B3GALT1: variants seen among roughly 807,000 people sequenced by gnomAD.
B3GALT1 encodes beta-1,3-galactosyltransferase 1, also known as UDP-Gal:betaGlcNAc beta 1,3-galactosyltransferase, polypeptide 1.
Under a neutral mutation model 23.2 loss-of-function variants are expected in B3GALT1, and 10 were observed. The observed-to-expected ratio is 0.43, with a 90% CI of 0.27 to 0.73. B3GALT1 has a LOEUF of 0.73. B3GALT1 is among the 30% of genes least tolerant of loss of function. The pLI, the probability that B3GALT1 is intolerant of heterozygous loss-of-function variation, is 0.21. For missense variants in B3GALT1, 299 were observed against 405.4 expected (o/e 0.74, Z 2.25); for synonymous variants, 156 against 141.5 (o/e 1.10, Z -0.73).
intron 1 of B3GALT1, among the ~76,000 whole-genome samples, chr2:167,438,010 G>C (rs951083638): frequency 6.6e-6 from 1 of 152,166 alleles, no homozygotes; most frequent in Non-Finnish European, 1.5e-5. Flanking sequence ...AGGCTAAAAA[G>C]AGTAGAAAGC....
chr2:167,328,149 T>G (rs1574034726), intron 1 of B3GALT1, among the ~76,000 whole-genome samples: 2 of 152,320 alleles, frequency 1.3e-5, no homozygotes, highest in East Asian at 3.9e-4. Context: ...TTTTTGTGCC[T>G]GTGTTCATCA....
In B3GALT1 at chr2:167,767,200, G is replaced by T. The variant is rs527621708; in HGVS notation, c.-351-51472G>T. Among the ~76,000 whole-genome samples, 3 of 152,274 alleles carry T rather than the reference G, an allele frequency of 2.0e-5. No individual in the cohort carries two copies. The South Asian group carries it at 6.2e-4, about 32-fold the overall frequency. On this transcript the variant is annotated intron_variant, in intron 3 of 4. Transcript: ENST00000392690. Reference sequence around the variant, plus strand: ...AATTATGTAAGCTGAACCAATTGAGGTGTTGGCTATTGTTTCTGCTGTTCT... The same window carrying T: ...AATTATGTAAGCTGAACCAATTGAGTTGTTGGCTATTGTTTCTGCTGTTCT...
chr2:167,547,396 T>C (rs1236914387), intron 2 of B3GALT1, among the ~76,000 whole-genome samples: 1 of 152,038 alleles, frequency 6.6e-6, no homozygotes. Flanking sequence ...AGTTAAATGA[T>C]TTGTTAAAAG....
chr2:167,840,943 C>T (rs1384739911), intron 4 of B3GALT1, among the ~76,000 whole-genome samples: 1 of 147,548 alleles, frequency 6.8e-6, no homozygotes, highest in African/African-American at 2.6e-5. Context: ...CCAAACACCG[C>T]ATATTCTCAC....
chr2:167,643,432 T>A lies in B3GALT1; in HGVS notation c.-409-3477T>A, dbSNP rs572258082. Among the ~76,000 whole-genome samples, 13 of 152,164 alleles carry A rather than the reference T, an allele frequency of 8.5e-5. No individual in the cohort carries two copies. In the South Asian group the frequency reaches 2.5e-3, roughly 29 times the overall value. ...AGAGGTGCACTGGCATGACTTGGGATCTGATGCCACCTTGTCATGTTAAGT... is the reference window on the plus strand; with the variant it reads ...AGAGGTGCACTGGCATGACTTGGGAACTGATGCCACCTTGTCATGTTAAGT... On this transcript the variant is annotated intron_variant, in intron 2 of 4. Transcript: ENST00000392690.
At chr2:167,683,539 G>A (rs1438398000) in intron 3 of B3GALT1, among the ~76,000 whole-genome samples, 1 of 152,134 alleles carries the variant, frequency 6.6e-6, no homozygotes, top group Non-Finnish European at 1.5e-5. Context: ...GGGGCAACAT[G>A]ACCAAACTCC....
intron 1 of B3GALT1, among the ~76,000 whole-genome samples, chr2:167,379,677 G>C (rs1474900606): frequency 6.6e-6 from 1 of 152,214 alleles, no homozygotes; most frequent in East Asian, 1.9e-4. Context: ...AATGGGCTTA[G>C]TGGAATGTAT....
At chr2:167,497,897 T>C (rs1699800995) in intron 2 of B3GALT1, among the ~76,000 whole-genome samples, 1 of 151,816 alleles carries the variant, frequency 6.6e-6, no homozygotes. Flanking sequence ...CTTTTAAGAA[T>C]TAGTAGTATA....
At chr2:167,807,229 C>T (rs180705880) in intron 3 of B3GALT1, among the ~76,000 whole-genome samples, 4,512 of 152,086 alleles carry the variant, frequency 0.03, 233 homozygotes, top group African/African-American at 0.1. Context: ...GTCTTGCTAA[C>T]GGTCTATCAA....
chr2:167,514,132 C>T (rs1393014685), intron 2 of B3GALT1, among the ~76,000 whole-genome samples: 1 of 152,160 alleles, frequency 6.6e-6, no homozygotes, highest in Non-Finnish European at 1.5e-5. Context: ...TGGTCTCGAT[C>T]TCCTGACCTC....
At chr2:167,363,628 T>A (rs555364820) in intron 1 of B3GALT1, among the ~76,000 whole-genome samples, 3 of 152,196 alleles carry the variant, frequency 2.0e-5, no homozygotes, top group Admixed American at 6.5e-5. Context: ...AACTTAAACA[T>A]CTGTGGAACC....
intron 2 of B3GALT1, among the ~76,000 whole-genome samples, chr2:167,502,971 A>G (rs917150720): frequency 7.2e-5 from 11 of 152,142 alleles, no homozygotes; most frequent in African/African-American, 2.7e-4. Flanking sequence ...CCTGGGAGGC[A>G]GAGGTTGCAG....
chr2:167,376,852 C>T (rs1047062100), intron 1 of B3GALT1, among the ~76,000 whole-genome samples: 4 of 151,956 alleles, frequency 2.6e-5, no homozygotes, highest in Admixed American at 2.6e-4. Flanking sequence ...TAGTTTTGCT[C>T]TGATTTTAGT....
intron 2 of B3GALT1, among the ~76,000 whole-genome samples, chr2:167,529,034 A>C (rs1683272347): frequency 6.6e-6 from 1 of 152,108 alleles, no homozygotes; most frequent in Non-Finnish European, 1.5e-5. Flanking sequence ...GAAATGCTTC[A>C]GTTGACATTG....
At chr2:167,729,924 C>T (rs984495745) in intron 3 of B3GALT1, among the ~76,000 whole-genome samples, 3 of 152,044 alleles carry the variant, frequency 2.0e-5, no homozygotes, top group Non-Finnish European at 4.4e-5. Context: ...TCCAATTAGA[C>T]CCATTTCTCC....
intron 2 of B3GALT1, among the ~76,000 whole-genome samples, chr2:167,570,888 G>T (rs537815564): frequency 4.6e-5 from 7 of 152,006 alleles, no homozygotes; most frequent in African/African-American, 1.7e-4. Flanking sequence ...AGGACATCAT[G>T]CAGTTAAAAA....
chr2:167,456,861 G>T (rs1401627003), intron 1 of B3GALT1, among the ~76,000 whole-genome samples: 2 of 152,054 alleles, frequency 1.3e-5, no homozygotes, highest in African/African-American at 4.8e-5. Context: ...AACTCCATAG[G>T]TTAGGATTTT....
At chr2:167,707,593 T>G (rs1212095133) in intron 3 of B3GALT1, among the ~76,000 whole-genome samples, 1 of 151,696 alleles carries the variant, frequency 6.6e-6, no homozygotes, top group Non-Finnish European at 1.5e-5. Flanking sequence ...AATGGTGGAG[T>G]CCTTCTCTCA....
intron 2 of B3GALT1, among the ~76,000 whole-genome samples, chr2:167,589,549 T>A (rs1684639754): frequency 6.6e-6 from 1 of 152,152 alleles, no homozygotes; most frequent in Admixed American, 6.5e-5. Flanking sequence ...CTAATAACAT[T>A]TGTTAAATAA....
Sources: gnomAD v4.1 joint callset for allele counts (sites outside exome capture counted in the v4.1 genomes callset) on GRCh38, gnomAD v4.1.1 for gene constraint, MANE v1.5 for transcripts, NCBI Gene and HGNC (gene_info 2026-07-23, HGNC 2026-07-21) for gene names.